Variants in NLRC5 observed in about 807,000 individuals in gnomAD.
The protein encoded by NLRC5 is protein NLRC5.
NLRC5 carries 114 observed loss-of-function variants against 206.9 expected under a neutral mutation model. The ratio of observed to expected loss-of-function variants is 0.55; its 90% CI spans 0.47 to 0.64. The LOEUF (loss-of-function observed/expected upper bound fraction) is 0.64. Among genes scored for constraint, NLRC5 ranks in the 30% least tolerant of loss-of-function variants. NLRC5 has a pLI of 0.00. For missense variants in NLRC5, 2,008 were observed against 2,305.5 expected (o/e 0.87, Z 2.64); for synonymous variants, 952 against 962.8 (o/e 0.99, Z 0.21).
chr16:56,995,370 C>T (rs1190590724), intron 1 of NLRC5, among the ~76,000 whole-genome samples: 4 of 152,192 alleles, frequency 2.6e-5, no homozygotes, highest in South Asian at 4.1e-4. Flanking sequence ...GACATCCAGG[C>T]GTAAGCAACG....
intron 3 of NLRC5, 148 bp from the exon 4 acceptor site, chr16:57,022,108 C>T: frequency 1.6e-6 from 1 of 608,738 alleles, no homozygotes; most frequent in East Asian, 2.9e-5. Context: ...CACATTTTCT[C>T]CACAACAGAT....
chr16:57,065,877 C>G (rs2067025367), intron 33 of NLRC5, among the ~76,000 whole-genome samples: 1 of 152,256 alleles, frequency 6.6e-6, no homozygotes, highest in African/African-American at 2.4e-5. Context: ...TCTTCCTTCT[C>G]TCCTCCAGGA....
At chr16:57,011,379 C>T (rs1233259704) in intron 1 of NLRC5, among the ~76,000 whole-genome samples, 1 of 147,500 alleles carries the variant, frequency 6.8e-6, no homozygotes, top group Non-Finnish European at 1.5e-5. Context: ...TGCCACTACA[C>T]TCAAGTCTAG....
intron 17 of NLRC5, 125 bp downstream of exon 17, chr16:57,040,843 C>A: frequency 1.1e-6 from 1 of 908,684 alleles, no homozygotes; most frequent in Non-Finnish European, 1.7e-6. Context: ...CTGCTGTGTC[C>A]AGGGGTCATG....
rs12445252 is a variant in NLRC5 at position 57,023,767 on chromosome 16, C to G, written c.356-18C>G. 136 of 1,604,598 alleles carry G rather than the reference C, an allele frequency of 8.5e-5. No individual in the cohort carries two copies. The highest frequency in any genetic ancestry group is 7.0e-4 in the Admixed American group (41 of 58,980). ...ATCCCCAGACCCCACTCCTCCACCC[C>G]TTCCTTTGCTTTTTCAGGCCTGAAG... On this transcript the variant is annotated intron_variant, in intron 4 of 48. Coordinates refer to ENST00000688547, the MANE Select transcript of NLRC5 (RefSeq NM_001384950.1).
chr16:57,032,412 G>C (rs2061982794), intron 11 of NLRC5, among the ~76,000 whole-genome samples: 3 of 152,052 alleles, frequency 2.0e-5, no homozygotes, highest in Admixed American at 2.0e-4. Flanking sequence ...ACTAGGACCA[G>C]TGTCACTTTC....
intron 1 of NLRC5, chr16:56,992,139 G>A (rs551824857): frequency 1.3e-5 from 2 of 152,304 alleles, no homozygotes; most frequent in African/African-American, 4.8e-5. Flanking sequence ...GGAGAGGCAA[G>A]GACGGATCCT....
intron 30 of NLRC5, among the ~76,000 whole-genome samples, chr16:57,060,806 C>T (rs1792147047): frequency 6.6e-6 from 1 of 152,228 alleles, no homozygotes; most frequent in African/African-American, 2.4e-5. Context: ...CCAGCTCAAA[C>T]ATCAGCCCCT....
intron 43 of NLRC5, among the ~76,000 whole-genome samples, 191 bp from the exon 44 acceptor site, chr16:57,078,859 G>A (rs185986079): frequency 3.9e-5 from 6 of 152,298 alleles, no homozygotes; most frequent in Non-Finnish European, 7.4e-5. Context: ...CATACACGAA[G>A]GACCCAGGTG....
rs777268953 is a variant in NLRC5, at chr16:57,065,221, G to A, written c.4164G>A (p.Glu1388=). 2 of 1,559,450 alleles carry A rather than the reference G, an allele frequency of 1.3e-6. No individual in the cohort carries two copies. Among genetic ancestry groups the A allele is most frequent in the Admixed American group, 1.8e-5 (1 of 55,050 alleles). ...PAGLFSLRVQ[E]PWADRARVLS... ...TCCCCTTCTGTGACAGGGTGCAGGA[G>A]CCGTGGGCGGACAGAGCCAGGGTTC... The change falls in exon 33 of 49, where the codon GAG becomes GAA. Residue 1388 remains glutamate, a synonymous_variant. Coordinates refer to ENST00000688547, the MANE Select transcript of NLRC5 (RefSeq NM_001384950.1).
intron 1 of NLRC5, among the ~76,000 whole-genome samples, chr16:56,996,574 T>C (rs1225710739): frequency 6.6e-6 from 1 of 152,158 alleles, no homozygotes; most frequent in Non-Finnish European, 1.5e-5. Context: ...CTAGAAAAGC[T>C]TTAAGGAAAT....
chr16:57,057,790 A>T (rs1244391010), intron 27 of NLRC5, among the ~76,000 whole-genome samples: 2 of 152,044 alleles, frequency 1.3e-5, no homozygotes, highest in South Asian at 2.1e-4. Context: ...TCTAGTGGTG[A>T]TGGAAGGGAT....
At chr16:57,012,176 A>C (rs1201371325) in intron 1 of NLRC5, among the ~76,000 whole-genome samples, 1 of 152,232 alleles carries the variant, frequency 6.6e-6, no homozygotes, top group African/African-American at 2.4e-5. Flanking sequence ...CTTTTTTCAC[A>C]TGGCATAAAC....
At chr16:57,021,983 A>G (rs1375958020) in intron 3 of NLRC5, among the ~76,000 whole-genome samples, 1 of 152,258 alleles carries the variant, frequency 6.6e-6, no homozygotes, top group East Asian at 1.9e-4. Context: ...GTACACATGC[A>G]TGCAAGTGTG....
chr16:57,068,911 C>T (rs1464996445), intron 36 of NLRC5, among the ~76,000 whole-genome samples: 1 of 152,220 alleles, frequency 6.6e-6, no homozygotes, highest in Non-Finnish European at 1.5e-5. Context: ...AATGTCCTTC[C>T]ACTTGGGTTT....
intron 9 of NLRC5, 27 bp from the exon 10 acceptor site, chr16:57,029,968 C>A: frequency 6.2e-7 from 1 of 1,613,512 alleles, no homozygotes; most frequent in Non-Finnish European, 8.5e-7. Context: ...GGATTCCACT[C>A]CTGACACCTT....
chr16:57,042,001 G>A lies in NLRC5; in HGVS notation c.3049G>A (p.Gly1017Arg), dbSNP rs2063339518. 1.9e-6 allele frequency: 3 copies of A among 1,580,822 alleles called. No individual in the cohort carries two copies. Among genetic ancestry groups the A allele is most frequent in the African/African-American group, 1.4e-5 (1 of 72,990 alleles). Residue 1017 changes from glycine to arginine, a missense_variant, in exon 19 of 49, where the codon GGG becomes AGG. Transcript: ENST00000688547. ...CCCCAGCTTCTCAGGCAATGCTCTG[G>A]GGGATGAAGGTGCAGCCCGGCTGGC... is the stretch of plus-strand genomic sequence containing the variant. ...LHLDFSGNAL[G>R]DEGAARLAQL...
At chr16:57,060,390 C>T (rs190235736) in intron 30 of NLRC5, among the ~76,000 whole-genome samples, 1 of 151,686 alleles carries the variant, frequency 6.6e-6, no homozygotes, top group Admixed American at 6.6e-5. Context: ...CACACCAACC[C>T]ATATACCACA....
chr16:57,062,011 C>A (rs954096181), intron 32 of NLRC5: 1 of 1,438,584 alleles, frequency 7.0e-7, no homozygotes. Context: ...TCTTGTCTGT[C>A]TGTTCACTAT....
Sources: gnomAD v4.1 joint callset for allele counts (sites outside exome capture counted in the v4.1 genomes callset) on GRCh38, gnomAD v4.1.1 for gene constraint, MANE v1.5 for transcripts, NCBI Gene and HGNC (gene_info 2026-07-23, HGNC 2026-07-21) for gene names.